SYNE1: variants seen among roughly 807,000 people sequenced by gnomAD.
SYNE1 encodes nesprin-1.
In SYNE1, 616 loss-of-function variants were observed where a neutral mutation model predicts 1,111.0. The ratio of observed to expected loss-of-function variants is 0.55; its 90% CI spans 0.52 to 0.59. SYNE1 has a LOEUF of 0.59. Ranked by LOEUF, SYNE1 falls within the 20% of genes least tolerant of loss-of-function variation. The probability of loss-of-function intolerance (pLI) is 0.00; values close to 1 mark genes in which losing one functional copy is unlikely to be tolerated. For synonymous variants in SYNE1, 3,855 were observed against 3,825.8 expected, an observed-to-expected ratio of 1.01 and a Z score of -0.28; for missense variants, 10,006 against 10,417.0, an observed-to-expected ratio of 0.96 and a Z score of 1.72.
chr6:152,192,302 T>G (rs559921925), intron 127 of SYNE1, among the ~76,000 whole-genome samples: 1 of 128,678 alleles, frequency 7.8e-6, no homozygotes, highest in South Asian at 2.6e-4. Context: ...TTTTTTTGTT[T>G]ATTTTCTGTC....
At chr6:152,225,249 A>C (rs573327732) in intron 116 of SYNE1, among the ~76,000 whole-genome samples, 1 of 150,660 alleles carries the variant, frequency 6.6e-6, no homozygotes, top group African/African-American at 2.4e-5. Context: ...TATAGCTATA[A>C]CAATATCCAT....
Position 152,219,015 on chromosome 6 carries a change from C to A in SYNE1, c.22032G>T (p.Gln7344His), listed in dbSNP as rs1326129457. The A allele has an allele frequency of 6.2e-7, 1 of 1,614,016 alleles. No individual in the cohort carries two copies. Among genetic ancestry groups the A allele is most frequent in the Non-Finnish European group, 8.5e-7 (1 of 1,179,998 alleles). ...CALEQALCKQ[Q>H]TSLQAGVLDY... The stretch of plus-strand genomic sequence containing the variant: ...AGGAGCTCTGTACCTGTAATGAAGT[C>A]TGCTGTTTGCAGAGAGCTTGCTCCA... The change falls in exon 120 of 146, where the codon CAG becomes CAT. Residue 7344 changes from glutamine to histidine, a missense_variant. Gln to His is a conservative substitution (Grantham distance 24). Around this residue, in one of 7 missense-constraint regions of SYNE1, gnomAD observed 2,182 missense variants for 2,287.8 expected, o/e 0.95. Coordinates refer to ENST00000367255, the MANE Select transcript of SYNE1 (RefSeq NM_182961.4).
chr6:152,287,245 T>C (rs1437504754), intron 95 of SYNE1, among the ~76,000 whole-genome samples: 2 of 152,234 alleles, frequency 1.3e-5, no homozygotes, highest in Non-Finnish European at 2.9e-5. Context: ...AATTTTCATG[T>C]CCAGTGTAGA....
Position 152,472,332 on chromosome 6 carries a change from G to A in SYNE1, c.1432C>T (p.Pro478Ser), listed in dbSNP as rs756636517. The A allele has an allele frequency of 5.0e-6, 8 of 1,613,884 alleles. No homozygotes were observed. The highest frequency in any genetic ancestry group is 5.1e-6 in the Non-Finnish European group (6 of 1,179,894). Residue 478 changes from proline (P) to serine (S), a missense_variant, in exon 15 of 146, where the codon CCA (proline) becomes TCA (serine). Coordinates refer to ENST00000367255, the MANE Select transcript of SYNE1 (RefSeq NM_182961.4). ...RTRSVNGIPVPPDQLEDMAER... is the reference protein window; with the variant it reads ...RTRSVNGIPVSPDQLEDMAER... ...GCCATGTCCTCTAATTGATCAGGTGGCACTGGAATCCCGTTAACAGACCTG... is the reference window on the plus strand; with the variant it reads ...GCCATGTCCTCTAATTGATCAGGTGACACTGGAATCCCGTTAACAGACCTG...
At chr6:152,578,407 C>T (rs2348799) in intron 3 of SYNE1, among the ~76,000 whole-genome samples, 28,247 of 152,022 alleles carry the variant, frequency 0.19, 2,893 homozygotes, top group Admixed American at 0.25. Flanking sequence ...CCAGCCTGGC[C>T]AACATGGTGA....
chr6:152,478,302 A>C (rs1001594677), intron 14 of SYNE1, among the ~76,000 whole-genome samples: 2 of 152,226 alleles, frequency 1.3e-5, no homozygotes, highest in Non-Finnish European at 2.9e-5. Context: ...GAAGGAAGAA[A>C]ATTGGACAGT....
chr6:152,419,273 G>C (rs535844784), intron 40 of SYNE1, among the ~76,000 whole-genome samples: 1 of 152,030 alleles, frequency 6.6e-6, no homozygotes, highest in African/African-American at 2.4e-5. Flanking sequence ...AAACAAACTG[G>C]GAAGCTTAAA....
intron 4 of SYNE1, among the ~76,000 whole-genome samples, chr6:152,534,317 C>T (rs2099223054): frequency 6.6e-6 from 1 of 151,888 alleles, no homozygotes; most frequent in Non-Finnish European, 1.5e-5. Flanking sequence ...TCTTTGTTAT[C>T]CATAAACTAA....
At chr6:152,606,751 C>CTCCCGG (rs2099615953) in intron 3 of SYNE1, among the ~76,000 whole-genome samples, 1 of 151,896 alleles carries the variant, frequency 6.6e-6, no homozygotes, top group Non-Finnish European at 1.5e-5. Context: ...GGGTTCACGC[C>CTCCCGG]ATTCTCCTGC....
rs563915725 is a variant in SYNE1, at chr6:152,428,649, A to G, written c.4789-257T>C. 6.8e-4 allele frequency among the ~76,000 whole-genome samples: 104 copies of G among 152,320 alleles called. 1 individual carries two copies. Among genetic ancestry groups the G allele is most frequent in the African/African-American group, 2.5e-3 (103 of 41,564 alleles). ...AAATAGTTTGAATGTTTCTTGAATA[A>G]ATAAAACACAAATATTTTAGGTGAT... is the stretch of plus-strand genomic sequence containing the variant. On this transcript the variant is annotated intron_variant, in intron 36 of 145. Transcript: ENST00000367255.
At chr6:152,440,913 C>T (rs1193503860) in intron 32 of SYNE1, among the ~76,000 whole-genome samples, 1 of 152,126 alleles carries the variant, frequency 6.6e-6, no homozygotes, top group Non-Finnish European at 1.5e-5. Flanking sequence ...AGGGAACTAA[C>T]CATTTTCCAA....
At chr6:152,334,591 T>C (rs2096336760) in intron 76 of SYNE1, among the ~76,000 whole-genome samples, 1 of 152,236 alleles carries the variant, frequency 6.6e-6, no homozygotes, top group Non-Finnish European at 1.5e-5. Context: ...TTATCTTACC[T>C]TGAAGTGCGG....
rs1395813698 is a variant in SYNE1 at position 152,354,946 on chromosome 6, C to T, written c.10639G>A (p.Ala3547Thr). ...GTGTGCAGCACTGAGTTCAACAGGG[C>T]CTGCCCCTCTGCACAGTGTACCTGT... ...ELQVHCAEGQ[A>T]LLNSVLHTRE... Residue 3547 changes from alanine (A) to threonine (T), a missense_variant, in exon 67 of 146, where the codon GCC becomes ACC. Ala to Thr is a moderately conservative substitution (Grantham distance 58). Transcript: ENST00000367255. 1.2e-6 allele frequency: 2 copies of T among 1,613,966 alleles called. No homozygotes were observed. The highest frequency in any genetic ancestry group is 3.3e-5 in the Admixed American group (2 of 60,000).
At position 152,433,846 on chromosome 6, in the gene SYNE1, A is replaced by G; in HGVS notation, c.4410T>C (p.Asn1470=). 6.2e-7 allele frequency: 1 copy of G among 1,613,900 alleles called. No individual in the cohort carries two copies. Among genetic ancestry groups the G allele is most frequent in the Non-Finnish European group, 8.5e-7 (1 of 1,179,830 alleles). The part of the protein sequence containing the change: ...VWITEKEKEL[N]ALETSSSAMD... ...TGGCAGATGACGAAGTTTCCAAGGCATTGAGTTCTTTTTCTTTCTCAGTTA... is the reference window on the plus strand; with the variant it reads ...TGGCAGATGACGAAGTTTCCAAGGCGTTGAGTTCTTTTTCTTTCTCAGTTA... The change falls in exon 34 of 146, where the codon AAT becomes AAC. Residue 1470 remains asparagine, a synonymous_variant. Transcript: ENST00000367255.
At chr6:152,619,823 G>A (rs2099671411) in intron 3 of SYNE1, among the ~76,000 whole-genome samples, 1 of 152,042 alleles carries the variant, frequency 6.6e-6, no homozygotes, top group Non-Finnish European at 1.5e-5. Context: ...AACAAGAGAG[G>A]GAGGCTGATT....
At chr6:152,258,726 C>G (rs191336179) in intron 101 of SYNE1, among the ~76,000 whole-genome samples, 1 of 151,570 alleles carries the variant, frequency 6.6e-6, no homozygotes, top group Admixed American at 6.6e-5. Flanking sequence ...CAAACTCAGT[C>G]TCCTTTTTCT....
In SYNE1 at chr6:152,466,003, A is replaced by G. The variant is rs199962439; in HGVS notation, c.1708T>C (p.Tyr570His). ...YQILKQTAEM[Y>H]VKADGSVEEA... ...TTACCTGAACCATCTGCTTTGACAT[A>G]CATCTCAGCTGTCTGTTTCAAGATC... The change falls in exon 17 of 146, where the codon TAT (tyrosine) becomes CAT (histidine). Residue 570 changes from tyrosine (Y) to histidine (H), a missense_variant. Physicochemically the swap from Tyr to His is moderately conservative, Grantham distance 83. Coordinates refer to ENST00000367255, the MANE Select transcript of SYNE1 (RefSeq NM_182961.4). 148 of 1,612,582 alleles carry G rather than the reference A, an allele frequency of 9.2e-5. No individual in the cohort carries two copies. The highest frequency in any genetic ancestry group is 1.2e-4 in the Non-Finnish European group (147 of 1,178,970).
chr6:152,134,137 C>T (rs1393998651), intron 142 of SYNE1: 1 of 153,884 alleles, frequency 6.5e-6, no homozygotes, highest in Admixed American at 6.4e-5. Context: ...TCCTTATCTT[C>T]TATAAAGTCA....
intron 38 of SYNE1, 128 bp from the exon 39 acceptor site, chr6:152,425,675 AG>A: frequency 9.2e-7 from 1 of 1,091,012 alleles, no homozygotes; most frequent in Non-Finnish European, 1.4e-6. Flanking sequence ...GACAGGCTGA[AG>A]AGAGTTTTTA....
Sources: gnomAD v4.1 joint callset for allele counts (sites outside exome capture counted in the v4.1 genomes callset) on GRCh38, gnomAD v4.1.1 for gene constraint, gnomAD v4.1.1 regional missense constraint, MANE v1.5 for transcripts, NCBI Gene and HGNC (gene_info 2026-07-23, HGNC 2026-07-21) for gene names.